The following SKIL variants were observed in gnomAD, a reference collection of about 807,000 sequenced individuals.
SKIL encodes the protein SKI like proto-oncogene.
In SKIL, 20 loss-of-function variants were observed where a neutral mutation model predicts 69.6. The ratio of observed to expected loss-of-function variants is 0.29; its 90% CI spans 0.20 to 0.42. SKIL has a LOEUF of 0.42. Among genes scored for constraint, SKIL ranks in the 10% least tolerant of loss-of-function variants. The probability of loss-of-function intolerance (pLI) is 1.00; values close to 1 mark genes in which losing one functional copy is unlikely to be tolerated. For missense variants in SKIL, 745 were observed against 783.1 expected, an observed-to-expected ratio of 0.95 and a Z score of 0.58; for synonymous variants, 310 against 279.9, an observed-to-expected ratio of 1.11 and a Z score of -1.08.
chr3:170,390,194 CT>C (rs1560221812), intron 4 of SKIL, 28 bp from the exon 5 acceptor site: 2 of 1,535,754 alleles, frequency 1.3e-6, no homozygotes, highest in East Asian at 2.3e-5. Context: ...GATATTCATA[CT>C]TTGTTACTTG....
intron 3 of SKIL, 48 bp from the exon 4 acceptor site, chr3:170,384,485 A>T: frequency 1.2e-6 from 1 of 842,780 alleles, no homozygotes; most frequent in Non-Finnish European, 1.9e-6. Flanking sequence ...ATTTTTACTT[A>T]ATTGTAATAT....
chr3:170,382,885 A>G (rs1737434874), intron 3 of SKIL, among the ~76,000 whole-genome samples: 1 of 148,090 alleles, frequency 6.8e-6, no homozygotes, highest in South Asian at 2.1e-4. Context: ...CGCCCAGCTA[A>G]TTTTTGTATT....
Position 170,396,288 on chromosome 3 carries a change from T to C in SKIL, c.*3871T>C, listed in dbSNP as rs1013329683. ...CACAGCATACTTAAAGTAGTTCTAG[T>C]AAACATGTCCTAGAAAACAGTTGCT... On this transcript the variant is annotated 3_prime_UTR_variant, in exon 7 of 7. Coordinates refer to ENST00000259119, the MANE Select transcript of SKIL (RefSeq NM_005414.5). The C allele has an allele frequency of 6.6e-6, 1 of 152,186 alleles. No individual in the cohort carries two copies. The highest frequency in any genetic ancestry group is 1.5e-5 in the Non-Finnish European group (1 of 68,002). 9.4% of individuals were successfully genotyped at this position (152,186 alleles called of 1,614,324 possible). A position where few individuals can be genotyped will look rare whatever the true frequency, so the allele number is the denominator to read the frequency against.
chr3:170,392,171 T>TAATTTGAA, intron 6 of SKIL, 88 bp from the exon 7 acceptor site: 1 of 1,097,490 alleles, frequency 9.1e-7, no homozygotes, highest in South Asian at 1.8e-5. Flanking sequence ...TTGTAAAAAG[T>TAATTTGAA]AATTTGAAAA....
intron 1 of SKIL, among the ~76,000 whole-genome samples, chr3:170,358,056 C>T (rs1241220078): frequency 6.6e-6 from 1 of 152,038 alleles, no homozygotes; most frequent in South Asian, 2.1e-4. Context: ...GCGGGGACCC[C>T]GGAGACCCGG....
chr3:170,384,703 T>G lies in SKIL; in HGVS notation c.1367T>G (p.Val456Gly). The G allele has an allele frequency of 6.2e-7, 1 of 1,612,798 alleles. No individual in the cohort carries two copies. The highest frequency in any genetic ancestry group is 8.5e-7 in the Non-Finnish European group (1 of 1,179,050). The change falls in exon 4 of 7, where the codon GTC becomes GGC. Residue 456 changes from valine (V) to glycine (G), a missense_variant. Transcript: ENST00000259119. ...CAAAAAACAGTGTCTTATCCAGATG[T>G]CTCACTTGAGGAACAGGAGAAAATG... ...KLQKTVSYPD[V>G]SLEEQEKMDL...
In SKIL at chr3:170,361,219, A is replaced by C. The variant is rs1736214498; in HGVS notation, c.888A>C (p.Gly296=). The change falls in exon 2 of 7, where the codon GGA becomes GGC. Residue 296 remains glycine (G), a synonymous_variant. Coordinates refer to ENST00000259119, the MANE Select transcript of SKIL (RefSeq NM_005414.5). ...APCIQCLECC[G]MFAPQTFVMH... Reference sequence around the variant, plus strand: ...GTATTCAATGTCTGGAGTGTTGTGGAATGTTTGCACCCCAGACGTTTGTGA... The same window carrying C: ...GTATTCAATGTCTGGAGTGTTGTGGCATGTTTGCACCCCAGACGTTTGTGA... The C allele has an allele frequency of 6.2e-7, 1 of 1,614,136 alleles. No individual in the cohort carries two copies. Among genetic ancestry groups the C allele is most frequent in the East Asian group, 2.2e-5 (1 of 44,882 alleles).
chr3:170,380,521 G>A (rs1458381838), intron 2 of SKIL, among the ~76,000 whole-genome samples: 1 of 152,038 alleles, frequency 6.6e-6, no homozygotes, highest in East Asian at 1.9e-4. Context: ...GTGGGTGCCT[G>A]TAATCCCAGC....
chr3:170,372,592 A>G (rs940911245), intron 2 of SKIL, among the ~76,000 whole-genome samples: 1 of 152,214 alleles, frequency 6.6e-6, no homozygotes, highest in African/African-American at 2.4e-5. Flanking sequence ...GGAAATATTA[A>G]GGAAACCTGA....
rs59222162 is a variant in SKIL at position 170,365,752 on chromosome 3, C to CTTTTTTTTTTTTTTTTTTTTTTTTTTTTT, written c.1098+4344_1098+4345insTTTTTTTTTTTTTTTTTTTTTTTTTTTTT. The stretch of plus-strand genomic sequence containing the variant: ...GCTCATTTTAAAAAGTCAAACTAGG[C>CTTTTTTTTTTTTTTTTTTTTTTTTTTTTT]TTTTTTTTTTTTTTTTTTTTTGAGA... On this transcript the variant is annotated intron_variant, in intron 2 of 6. Coordinates refer to ENST00000259119, the MANE Select transcript of SKIL (RefSeq NM_005414.5). Among the ~76,000 whole-genome samples the CTTTTTTTTTTTTTTTTTTTTTTTTTTTTT allele has an allele frequency of 8.5e-5, 9 of 106,454 alleles. No individual in the cohort carries two copies. The East Asian group carries it at 1.1e-3, about 13-fold the overall frequency. The allele number at this position is 106,454 out of a possible 152,430, so 69.8% of individuals were successfully genotyped here. A position where few individuals can be genotyped will look rare whatever the true frequency, so the allele number is the denominator to read the frequency against.
intron 2 of SKIL, among the ~76,000 whole-genome samples, chr3:170,367,709 T>A (rs1225954843): frequency 6.7e-6 from 1 of 149,552 alleles, no homozygotes; most frequent in Non-Finnish European, 1.5e-5. Context: ...TCTCAGGCAA[T>A]CCACCAGCCT....
chr3:170,366,477 C>T (rs765006666), intron 2 of SKIL, among the ~76,000 whole-genome samples: 5 of 151,838 alleles, frequency 3.3e-5, no homozygotes, highest in African/African-American at 9.7e-5. Context: ...GTCAGGGGTT[C>T]GGGACCAGCC....
intron 3 of SKIL, among the ~76,000 whole-genome samples, chr3:170,383,755 C>G (rs1333474176): frequency 6.6e-6 from 1 of 152,174 alleles, no homozygotes; most frequent in Non-Finnish European, 1.5e-5. Flanking sequence ...CCTGGGAGCT[C>G]CTCACTGAGC....
At chr3:170,375,695 C>T (rs989398328) in intron 2 of SKIL, among the ~76,000 whole-genome samples, 1 of 152,154 alleles carries the variant, frequency 6.6e-6, no homozygotes, top group Non-Finnish European at 1.5e-5. Flanking sequence ...CCACCTCAGT[C>T]CCCTGAGTAG....
chr3:170,387,093 C>T (rs1298884423), intron 4 of SKIL, among the ~76,000 whole-genome samples: 9 of 152,116 alleles, frequency 5.9e-5, no homozygotes, highest in African/African-American at 2.2e-4. Context: ...TTTCGGCTCA[C>T]TGCAAGCTCT....
Position 170,392,361 on chromosome 3 carries a change from A to G in SKIL, c.1999A>G (p.Met667Val), listed in dbSNP as rs1331679473. 1 of 1,612,346 alleles carries G rather than the reference A, an allele frequency of 6.2e-7. No homozygotes were observed. The highest frequency in any genetic ancestry group is 1.3e-5 in the African/African-American group (1 of 74,896). Residue 667 changes from methionine (M) to valine (V), a missense_variant, in exon 7 of 7, where the codon ATG becomes GTG. Transcript: ENST00000259119. Reference sequence around the variant, plus strand: ...GGAAGCAAGACAGAAGTTAGAGATGATGATAAAAGAGCTAAAGCTGCAAAT... The same window carrying G: ...GGAAGCAAGACAGAAGTTAGAGATGGTGATAAAAGAGCTAAAGCTGCAAAT... ...EREARQKLEMMIKELKLQILK... is the reference protein window; with the variant it reads ...EREARQKLEMVIKELKLQILK...
intron 2 of SKIL, among the ~76,000 whole-genome samples, chr3:170,370,828 C>T (rs1016307261): frequency 1.3e-4 from 20 of 151,470 alleles, no homozygotes; most frequent in African/African-American, 4.9e-4. Flanking sequence ...GCCTGTAGTC[C>T]CAACTACTTG....
At chr3:170,362,437 G>A (rs187438219) in intron 2 of SKIL, among the ~76,000 whole-genome samples, 148 of 152,290 alleles carry the variant, frequency 9.7e-4, no homozygotes, top group African/African-American at 3.5e-3. Context: ...CGGAGGCGGA[G>A]GTTGTAGTGA....
In SKIL at chr3:170,361,101, A is replaced by C; in HGVS notation, c.770A>C (p.Glu257Ala). 1 of 1,614,256 alleles carries C rather than the reference A, an allele frequency of 6.2e-7. No homozygotes were observed. Among genetic ancestry groups the C allele is most frequent in the Non-Finnish European group, 8.5e-7 (1 of 1,180,042 alleles). The change falls in exon 2 of 7, where the codon GAA becomes GCA. Residue 257 changes from glutamate to alanine, a missense_variant. Glu to Ala is a moderately radical substitution (Grantham distance 107). Transcript: ENST00000259119. Reference sequence around the variant, plus strand: ...AAAAGCTCATTGGCCCAGTTAAAGGAAACTGGCAGTGCCTTTGAAGTGGAG... The same window carrying C: ...AAAAGCTCATTGGCCCAGTTAAAGGCAACTGGCAGTGCCTTTGAAGTGGAG... ...PAKSSLAQLK[E>A]TGSAFEVEHE... is the part of the protein sequence containing the mutation.
Sources: allele counts gnomAD v4.1 joint callset (sites outside exome capture counted in the v4.1 genomes callset), GRCh38; gene constraint gnomAD v4.1.1; transcripts MANE v1.5; gene names NCBI Gene and HGNC (gene_info 2026-07-23, HGNC 2026-07-21).